Variants in CDH18 observed in about 807,000 individuals in gnomAD.
The protein encoded by CDH18 is cadherin 18.
Under a neutral mutation model 67.9 loss-of-function variants are expected in CDH18, and 31 were observed. That is an observed-to-expected ratio of 0.46 (90% confidence interval 0.34 to 0.62). The LOEUF is 0.62. Ranked by LOEUF, CDH18 falls within the 20% of genes least tolerant of loss-of-function variation. The probability of loss-of-function intolerance (pLI) is 0.01; values close to 1 mark genes in which losing one functional copy is unlikely to be tolerated. For missense variants in CDH18, 890 were observed against 975.5 expected (o/e 0.91, Z 1.17); for synonymous variants, 362 against 347.2 (o/e 1.04, Z -0.48).
intron 1 of CDH18, among the ~76,000 whole-genome samples, chr5:20,500,603 G>A (rs1046724478): frequency 6.6e-6 from 1 of 152,020 alleles, no homozygotes; most frequent in Admixed American, 6.6e-5. Context: ...GATCTGCTTC[G>A]GACATGCACT....
chr5:20,428,141 T>C (rs147711752), intron 1 of CDH18, among the ~76,000 whole-genome samples: 8 of 150,916 alleles, frequency 5.3e-5, no homozygotes, highest in African/African-American at 2.0e-4. Flanking sequence ...TTCCCCTCCC[T>C]GTGTCCATGT....
At chr5:19,708,395 T>C (rs1039144463) in intron 5 of CDH18, among the ~76,000 whole-genome samples, 1 of 152,118 alleles carries the variant, frequency 6.6e-6, no homozygotes, top group East Asian at 1.9e-4. Flanking sequence ...TCGTGATTCC[T>C]GTGAGAAGTA....
intron 2 of CDH18, among the ~76,000 whole-genome samples, chr5:20,121,215 T>A (rs1343696214): frequency 6.6e-6 from 1 of 152,174 alleles, no homozygotes; most frequent in East Asian, 1.9e-4. Flanking sequence ...CTATAATACT[T>A]CCAAAAAGCA....
chr5:19,693,473 A>G (rs188812296), intron 5 of CDH18, among the ~76,000 whole-genome samples: 515 of 152,342 alleles, frequency 3.4e-3, no homozygotes, highest in South Asian at 6.0e-3. Context: ...CATGATTAGT[A>G]ACCTGCTCCA....
chr5:20,111,650 T>C (rs1174242259), intron 2 of CDH18, among the ~76,000 whole-genome samples: 1 of 149,940 alleles, frequency 6.7e-6, no homozygotes, highest in Non-Finnish European at 1.5e-5. Context: ...GTTCAAGCGA[T>C]TCTCCTACCT....
chr5:20,351,712 C>T (rs1218070090), intron 1 of CDH18, among the ~76,000 whole-genome samples: 2 of 152,038 alleles, frequency 1.3e-5, no homozygotes, highest in Non-Finnish European at 2.9e-5. Flanking sequence ...AGAGAACTCC[C>T]GTGGCTGTGG....
In CDH18 at chr5:20,425,348, G is replaced by A. The variant is rs1379567113; in HGVS notation, c.-580+150114C>T. On this transcript the variant is annotated intron_variant, in intron 1 of 14. Coordinates refer to the CDH18 transcript ENST00000507958. ...ATTGCGCGATTGCACTCCAGCCTAG[G>A]TGAGAGGGTGAGACTCTGTCTCAAA... Among the ~76,000 whole-genome samples, 6 of 150,730 alleles carry A rather than the reference G, an allele frequency of 4.0e-5. No individual in the cohort carries two copies. The East Asian group carries it at 5.8e-4, about 15-fold the overall frequency.
At chr5:20,573,364 GC>G (rs1561143818) in intron 1 of CDH18, among the ~76,000 whole-genome samples, 2 of 150,916 alleles carry the variant, frequency 1.3e-5, no homozygotes, top group African/African-American at 4.9e-5. Context: ...TTTTTTAATT[GC>G]ATATAAGCCA....
At chr5:20,534,364 T>C (rs897336260) in intron 1 of CDH18, among the ~76,000 whole-genome samples, 2 of 152,080 alleles carry the variant, frequency 1.3e-5, no homozygotes, top group African/African-American at 4.8e-5. Context: ...AATGTCTTGA[T>C]ATTGCACAAA....
chr5:20,547,560 G>A (rs78884179), intron 1 of CDH18, among the ~76,000 whole-genome samples: 20 of 141,150 alleles, frequency 1.4e-4, no homozygotes, highest in Admixed American at 1.4e-4. Flanking sequence ...GACTCTGTCA[G>A]AAAAAAAAAA....
At chr5:19,567,362 A>G (rs1355712971) in intron 8 of CDH18, among the ~76,000 whole-genome samples, 3 of 152,218 alleles carry the variant, frequency 2.0e-5, no homozygotes, top group Non-Finnish European at 4.4e-5. Flanking sequence ...GTACAAAAGT[A>G]CAATAGTAAA....
intron 2 of CDH18, among the ~76,000 whole-genome samples, chr5:19,928,370 CA>C (rs1793313996): frequency 6.6e-6 from 1 of 152,086 alleles, no homozygotes; most frequent in Non-Finnish European, 1.5e-5. Context: ...AAGCATTATA[CA>C]AAAACTATGA....
intron 2 of CDH18, among the ~76,000 whole-genome samples, chr5:20,205,590 C>T (rs1739817331): frequency 6.6e-6 from 1 of 151,856 alleles, no homozygotes; most frequent in South Asian, 2.1e-4. Context: ...TTGGAACAAT[C>T]TTCAGAATAT....
chr5:20,293,786 T>C (rs1425332194), intron 1 of CDH18, among the ~76,000 whole-genome samples: 2 of 152,230 alleles, frequency 1.3e-5, no homozygotes, highest in Non-Finnish European at 2.9e-5. Flanking sequence ...ATGAGTTTTC[T>C]ATTATACAAA....
intron 2 of CDH18, among the ~76,000 whole-genome samples, chr5:19,956,003 T>A (rs1796222840): frequency 6.6e-6 from 1 of 152,062 alleles, no homozygotes; most frequent in Non-Finnish European, 1.5e-5. Flanking sequence ...AGTATCAAAT[T>A]ATGAACATAT....
intron 1 of CDH18, among the ~76,000 whole-genome samples, chr5:20,334,906 C>T (rs981365248): frequency 6.6e-6 from 1 of 152,148 alleles, no homozygotes; most frequent in African/African-American, 2.4e-5. Flanking sequence ...ATAACAATCT[C>T]TGTCTCCAAA....
chr5:19,629,091 C>T (rs935416952), intron 5 of CDH18, among the ~76,000 whole-genome samples: 27 of 152,054 alleles, frequency 1.8e-4, no homozygotes, highest in African/African-American at 6.3e-4. Flanking sequence ...TGGCAGTCTG[C>T]CCTAAATTTA....
chr5:20,166,432 T>C (rs1486984695), intron 2 of CDH18, among the ~76,000 whole-genome samples: 1 of 64,150 alleles, frequency 1.6e-5, no homozygotes, highest in African/African-American at 6.5e-5. Context: ...AGAGTGAGAC[T>C]CTGTCTCAAA....
chr5:19,872,639 A>G (rs564667936), intron 2 of CDH18, among the ~76,000 whole-genome samples: 2 of 152,318 alleles, frequency 1.3e-5, no homozygotes, highest in Admixed American at 1.3e-4. Flanking sequence ...CTTCCAGATG[A>G]GAACACAGCC....
Sources: allele counts gnomAD v4.1 joint callset (sites outside exome capture counted in the v4.1 genomes callset), GRCh38; gene constraint gnomAD v4.1.1; transcripts MANE v1.5; gene names NCBI Gene and HGNC (gene_info 2026-07-23, HGNC 2026-07-21).